Variants in GRIK5 observed in about 807,000 individuals in gnomAD.
The protein encoded by GRIK5 is glutamate ionotropic receptor kainate type subunit 5, also known as glutamate receptor ionotropic, kainate 5.
A neutral mutation model predicts 97.4 loss-of-function variants in GRIK5; 43 were observed. The ratio of observed to expected loss-of-function variants is 0.44; its 90% CI spans 0.35 to 0.57. GRIK5 has a LOEUF of 0.57. GRIK5 is among the 20% of genes least tolerant of loss of function. The pLI, the probability that GRIK5 is intolerant of heterozygous loss-of-function variation, is 0.01. For synonymous variants in GRIK5, 580 were observed against 583.5 expected, an observed-to-expected ratio of 0.99 and a Z score of 0.09; for missense variants, 1,015 against 1,382.0, an observed-to-expected ratio of 0.73 and a Z score of 4.21.
At chr19:42,015,393 T>G (rs979716712) in intron 15 of GRIK5, among the ~76,000 whole-genome samples, 5 of 152,218 alleles carry the variant, frequency 3.3e-5, no homozygotes, top group Non-Finnish European at 7.3e-5. Context: ...ACAGACCATA[T>G]GCTGAGCTCT....
chr19:42,010,678 T>G (rs989704108), intron 15 of GRIK5, among the ~76,000 whole-genome samples: 1 of 152,220 alleles, frequency 6.6e-6, no homozygotes, highest in African/African-American at 2.4e-5. Context: ...AAGGAAGTTC[T>G]GCAGGTAAAA....
chr19:42,030,221 G>A (rs370631707), intron 12 of GRIK5, among the ~76,000 whole-genome samples: 48 of 152,088 alleles, frequency 3.2e-4, no homozygotes, highest in African/African-American at 9.9e-4. Context: ...TCTCGCTGTC[G>A]CCCAGGCTGG....
chr19:42,033,442 G>T (rs942180069), intron 12 of GRIK5, among the ~76,000 whole-genome samples: 3 of 151,608 alleles, frequency 2.0e-5, no homozygotes, highest in Non-Finnish European at 1.5e-5. Context: ...CATATTGGAT[G>T]ATTCCATTTA....
chr19:42,062,344 G>A lies in GRIK5; in HGVS notation c.508+144C>T, dbSNP rs1420994394. ...AGGGGTCTGTAGAACCAGAGGCCTC[G>A]GTTTCTGAAGATGGGAGAAGAGCCT... is the stretch of plus-strand genomic sequence containing the variant. On this transcript the variant is annotated intron_variant, in intron 5 of 19. Coordinates refer to ENST00000593562, the MANE Select transcript of GRIK5 (RefSeq NM_002088.5). The surrounding 1 kb of genome is among the most constrained non-coding windows in gnomAD (Gnocchi z 5.3). 1.5e-5 allele frequency: 11 copies of A among 732,996 alleles called. No homozygotes were observed. The highest frequency in any genetic ancestry group is 5.5e-5 in the Admixed American group (2 of 36,136). 45.4% of individuals were successfully genotyped at this position (732,996 alleles called of 1,614,324 possible).
chr19:42,022,711 G>T lies in GRIK5; in HGVS notation c.1474-357C>A, dbSNP rs1232514492. Reference sequence around the variant, plus strand: ...AGAGCCAAGGTCCTGAAGGGGCTGAGACTGACAGCACTCGAGATAATACAG... The same window carrying T: ...AGAGCCAAGGTCCTGAAGGGGCTGATACTGACAGCACTCGAGATAATACAG... On this transcript the variant is annotated intron_variant, in intron 12 of 19. Coordinates refer to ENST00000593562, the MANE Select transcript of GRIK5 (RefSeq NM_002088.5). The surrounding 1 kb of genome is among the most constrained non-coding windows in gnomAD (Gnocchi z 4.2). 4 of 962,014 alleles carry T rather than the reference G, an allele frequency of 4.2e-6. No homozygotes were observed. The highest frequency in any genetic ancestry group is 4.9e-6 in the Non-Finnish European group (4 of 809,048). 59.6% of individuals were successfully genotyped at this position (962,014 alleles called of 1,614,324 possible). A position where few individuals can be genotyped will look rare whatever the true frequency, so the allele number is the denominator to read the frequency against.
Position 41,999,794 on chromosome 19 carries a change from CATGT to C in GRIK5, c.2515-499_2515-496del, listed in dbSNP as rs1227030811. Among the ~76,000 whole-genome samples the C allele has an allele frequency of 2.0e-5, 3 of 152,166 alleles. No individual in the cohort carries two copies. Among genetic ancestry groups the C allele is most frequent in the Non-Finnish European group, 4.4e-5 (3 of 68,038 alleles). On this transcript the variant is annotated intron_variant, in intron 19 of 19. Transcript: ENST00000593562. The surrounding 1 kb of genome is among the most constrained non-coding windows in gnomAD (Gnocchi z 5.0). ...GTGTGCAGAGACAGAAGATAACAGACATGTATGTAGTGTGTTAGGCGTGGTGAGT... is the reference window on the plus strand; with the variant it reads ...GTGTGCAGAGACAGAAGATAACAGACATGTAGTGTGTTAGGCGTGGTGAGT...
At position 42,065,900 on chromosome 19, in the gene GRIK5, G is replaced by A; in HGVS notation, c.-50-80C>T. On this transcript the variant is annotated intron_variant, in intron 1 of 19. Transcript: ENST00000593562. The surrounding 1 kb of genome is among the most constrained non-coding windows in gnomAD (Gnocchi z 5.8). ...CCTTGGAGGCCTGCTGGATGGGGTGGTCACAGAAGCCTTGGGGACATTGTT... is the reference window on the plus strand; with the variant it reads ...CCTTGGAGGCCTGCTGGATGGGGTGATCACAGAAGCCTTGGGGACATTGTT... The A allele has an allele frequency of 1.4e-6, 1 of 708,420 alleles. No individual in the cohort carries two copies. The highest frequency in any genetic ancestry group is 2.4e-6 in the Non-Finnish European group (1 of 409,850). The allele number at this position is 708,420 out of a possible 1,614,324, so 43.9% of individuals were successfully genotyped here.
In GRIK5 at chr19:42,065,472, T is replaced by C. The variant is rs2076318137; in HGVS notation, c.80-85A>G. On this transcript the variant is annotated intron_variant, in intron 2 of 19. Transcript: ENST00000593562. The surrounding 1 kb of genome is among the most constrained non-coding windows in gnomAD (Gnocchi z 5.8). ...GGTCTTAGACTCCAGGGCTCTAGGGTGAGGTGGGTATACGGACCAGGGGTC... is the reference window on the plus strand; with the variant it reads ...GGTCTTAGACTCCAGGGCTCTAGGGCGAGGTGGGTATACGGACCAGGGGTC... 1 of 1,390,350 alleles carries C rather than the reference T, an allele frequency of 7.2e-7. No homozygotes were observed. Among genetic ancestry groups the C allele is most frequent in the Non-Finnish European group, 9.7e-7 (1 of 1,026,228 alleles). 86.1% of individuals were successfully genotyped at this position (1,390,350 alleles called of 1,614,324 possible).
chr19:41,998,728 G>GGAACCAAAGGCAAAATCGCGGC lies in GRIK5; in HGVS notation c.*121_*142dup. ...CAGAGCCAGGCCTCGGACTTCGCGG[G>GGAACCAAAGGCAAAATCGCGGC]GAACCAAAGGCAAAATCGCGGCGTC... On this transcript the variant is annotated 3_prime_UTR_variant, in exon 20 of 20. Transcript: ENST00000593562. 3.5e-6 allele frequency: 1 copy of GGAACCAAAGGCAAAATCGCGGC among 284,550 alleles called. No homozygotes were observed. The highest frequency in any genetic ancestry group is 5.7e-6 in the Non-Finnish European group (1 of 176,658). 17.6% of individuals were successfully genotyped at this position (284,550 alleles called of 1,614,324 possible). A position where few individuals can be genotyped will look rare whatever the true frequency, so the allele number is the denominator to read the frequency against.
At chr19:42,058,889 T>A (rs1017894748) in intron 6 of GRIK5, among the ~76,000 whole-genome samples, 1 of 146,066 alleles carries the variant, frequency 6.8e-6, no homozygotes, top group Non-Finnish European at 1.5e-5. Flanking sequence ...CAGAGCTCAA[T>A]AAAAAATGTT....
chr19:42,053,192 G>C (rs1320281595), intron 11 of GRIK5, among the ~76,000 whole-genome samples: 2 of 152,160 alleles, frequency 1.3e-5, no homozygotes, highest in African/African-American at 4.8e-5. Flanking sequence ...TTCCAGTCCT[G>C]GCTGTGCCGG....
intron 11 of GRIK5, among the ~76,000 whole-genome samples, chr19:42,044,785 A>C (rs527514671): frequency 7.2e-5 from 11 of 152,294 alleles, no homozygotes; most frequent in African/African-American, 2.6e-4. Flanking sequence ...CCCCGTCTCT[A>C]TAAAAAATAC....
Position 42,002,434 on chromosome 19 carries a change from G to A in GRIK5, c.2514+898C>T. The A allele has an allele frequency of 1.4e-6, 1 of 717,692 alleles. No individual in the cohort carries two copies. 44.5% of individuals were successfully genotyped at this position (717,692 alleles called of 1,614,324 possible). A position where few individuals can be genotyped will look rare whatever the true frequency, so the allele number is the denominator to read the frequency against. On this transcript the variant is annotated intron_variant, in intron 19 of 19. Transcript: ENST00000593562. This position sits in a 1 kb window ranked among gnomAD's most constrained non-coding sequence, Gnocchi z 5.2. ...TTGCCGGAGGGATGTCCTTGAGAAG[G>A]CAACCTGGACACGGGTGGAGGGCAC...
rs548622111 is a variant in GRIK5 at position 42,003,237 on chromosome 19, C to A, written c.2514+95G>T. On this transcript the variant is annotated intron_variant, in intron 19 of 19. Transcript: ENST00000593562. The surrounding 1 kb of genome is among the most constrained non-coding windows in gnomAD (Gnocchi z 4.2). ...TCTGCCCCCTTCTCGCGATCCCCAC[C>A]ACCCTCCAGGTATGGCTCCCAATGC... 5 of 1,176,728 alleles carry A rather than the reference C, an allele frequency of 4.2e-6. No individual in the cohort carries two copies. The highest frequency in any genetic ancestry group is 6.2e-6 in the Non-Finnish European group (5 of 811,986). 72.9% of individuals were successfully genotyped at this position (1,176,728 alleles called of 1,614,324 possible).
rs767275297 is a variant in GRIK5, at chr19:42,022,543, G to A, written c.1474-189C>T. Reference sequence around the variant, plus strand: ...TTGGGCCTGAAATCGGACCCTCATCGCATGTCCATCCTCATCATCTCACGT... The same window carrying A: ...TTGGGCCTGAAATCGGACCCTCATCACATGTCCATCCTCATCATCTCACGT... On this transcript the variant is annotated intron_variant, in intron 12 of 19. Coordinates refer to ENST00000593562, the MANE Select transcript of GRIK5 (RefSeq NM_002088.5). This position sits in a 1 kb window ranked among gnomAD's most constrained non-coding sequence, Gnocchi z 4.2. 1.2e-5 allele frequency: 12 copies of A among 985,086 alleles called. No homozygotes were observed. The highest frequency in any genetic ancestry group is 1.4e-5 in the Non-Finnish European group (12 of 829,902). 61.0% of individuals were successfully genotyped at this position (985,086 alleles called of 1,614,324 possible). A position where few individuals can be genotyped will look rare whatever the true frequency, so the allele number is the denominator to read the frequency against.
rs778770513 is a variant in GRIK5 at position 42,062,702 on chromosome 19, C to T, written c.343-49G>A. On this transcript the variant is annotated intron_variant, in intron 4 of 19. Coordinates refer to ENST00000593562, the MANE Select transcript of GRIK5 (RefSeq NM_002088.5). This position sits in a 1 kb window ranked among gnomAD's most constrained non-coding sequence, Gnocchi z 5.3. Reference sequence around the variant, plus strand: ...CTCCATCCTGCTTCTCCGCCCAGCCCTCGCCTCCCAGGGACCCGCTCCCCA... The same window carrying T: ...CTCCATCCTGCTTCTCCGCCCAGCCTTCGCCTCCCAGGGACCCGCTCCCCA... The T allele has an allele frequency of 1.2e-6, 2 of 1,613,404 alleles. No individual in the cohort carries two copies. Among genetic ancestry groups the T allele is most frequent in the South Asian group, 1.1e-5 (1 of 91,078 alleles).
chr19:42,003,120 T>C lies in GRIK5; in HGVS notation c.2514+212A>G, dbSNP rs1308503724. ...CTCACCTCCTCTCCCTGCATCCTCA[T>C]TGCTCCCTGTGCCTACTTTCCCTCC... On this transcript the variant is annotated intron_variant, in intron 19 of 19. Coordinates refer to ENST00000593562, the MANE Select transcript of GRIK5 (RefSeq NM_002088.5). The surrounding 1 kb of genome is among the most constrained non-coding windows in gnomAD (Gnocchi z 4.2). Among the ~76,000 whole-genome samples, 3 of 152,002 alleles carry C rather than the reference T, an allele frequency of 2.0e-5. No individual in the cohort carries two copies. The highest frequency in any genetic ancestry group is 7.3e-5 in the African/African-American group (3 of 41,354).
intron 11 of GRIK5, among the ~76,000 whole-genome samples, chr19:42,044,900 T>C (rs2076024151): frequency 6.6e-6 from 1 of 152,218 alleles, no homozygotes; most frequent in Non-Finnish European, 1.5e-5. Flanking sequence ...ATTTCACCAC[T>C]GCAGGCCAGC....
At chr19:42,052,937 C>T (rs1346277641) in intron 11 of GRIK5, among the ~76,000 whole-genome samples, 1 of 152,222 alleles carries the variant, frequency 6.6e-6, no homozygotes, top group Non-Finnish European at 1.5e-5. Flanking sequence ...ACAAAGCTCA[C>T]AAGGGTAGCC....
Sources: gnomAD v4.1 joint callset for allele counts (sites outside exome capture counted in the v4.1 genomes callset) on GRCh38, gnomAD v4.1.1 for gene constraint, Gnocchi (gnomAD v3.1) non-coding constraint, MANE v1.5 for transcripts, NCBI Gene and HGNC (gene_info 2026-07-23, HGNC 2026-07-21) for gene names.